Variants in CDH19 observed in about 807,000 individuals in gnomAD.
CDH19 encodes the protein cadherin-19.
Under a neutral mutation model 64.2 loss-of-function variants are expected in CDH19, and 67 were observed. That is an observed-to-expected ratio of 1.04 (90% CI 0.86 to 1.28). CDH19 has a LOEUF of 1.28. Ranked by LOEUF, CDH19 falls within the 50% of genes most tolerant of loss-of-function variation. The pLI is 0.00. For missense variants in CDH19, 1,030 were observed against 929.0 expected, an observed-to-expected ratio of 1.11 and a Z score of -1.41; for synonymous variants, 346 against 319.3, an observed-to-expected ratio of 1.08 and a Z score of -0.89.
At chr18:66,579,702 T>C (rs941303835) in intron 1 of CDH19, among the ~76,000 whole-genome samples, 17 of 152,184 alleles carry the variant, frequency 1.1e-4, no homozygotes, top group African/African-American at 3.1e-4. Flanking sequence ...GTTTGGGTCA[T>C]GACTTTACAA....
chr18:66,527,514 C>T (rs1433159461), intron 9 of CDH19, among the ~76,000 whole-genome samples: 3 of 151,874 alleles, frequency 2.0e-5, no homozygotes, highest in Non-Finnish European at 4.4e-5. Flanking sequence ...TTTGAGAGTC[C>T]GAGGCAGGCA....
intron 1 of CDH19, among the ~76,000 whole-genome samples, chr18:66,581,251 G>A (rs1415512836): frequency 6.6e-6 from 1 of 151,932 alleles, no homozygotes. Context: ...ACTTATATTA[G>A]CACAATATTA....
intron 9 of CDH19, among the ~76,000 whole-genome samples, chr18:66,525,769 T>C (rs977251908): frequency 2.6e-5 from 4 of 152,144 alleles, no homozygotes; most frequent in Non-Finnish European, 5.9e-5. Context: ...TGGCTTCTCC[T>C]TGGATTTAAA....
intron 9 of CDH19, among the ~76,000 whole-genome samples, chr18:66,515,077 C>T (rs1263211147): frequency 6.6e-6 from 1 of 151,576 alleles, no homozygotes; most frequent in Non-Finnish European, 1.5e-5. Flanking sequence ...TTATATAACT[C>T]ATCAATTCCT....
chr18:66,528,199 A>C (rs534649181), intron 9 of CDH19, among the ~76,000 whole-genome samples: 1 of 152,244 alleles, frequency 6.6e-6, no homozygotes, highest in Admixed American at 6.5e-5. Flanking sequence ...GTGTCTAAGT[A>C]ATCAGATGTG....
chr18:66,560,964 C>CT (rs540869914), intron 3 of CDH19, among the ~76,000 whole-genome samples: 1 of 151,910 alleles, frequency 6.6e-6, no homozygotes, highest in Non-Finnish European at 1.5e-5. Context: ...TTAATAAAAT[C>CT]TTTTTTAGAG....
At chr18:66,518,590 A>ATT (rs1337044366) in intron 9 of CDH19, among the ~76,000 whole-genome samples, 1 of 152,092 alleles carries the variant, frequency 6.6e-6, no homozygotes, top group Non-Finnish European at 1.5e-5. Flanking sequence ...CGTGTATATA[A>ATT]TTTTTATGTG....
chr18:66,503,002 C>T lies in CDH19; in HGVS notation c.*1810G>A, dbSNP rs1232060340. The T allele has an allele frequency of 6.6e-6, 1 of 151,778 alleles. No individual in the cohort carries two copies. The highest frequency in any genetic ancestry group is 1.5e-5 in the Non-Finnish European group (1 of 67,842). 9.4% of individuals were successfully genotyped at this position (151,778 alleles called of 1,614,324 possible). A position where few individuals can be genotyped will look rare whatever the true frequency, so the allele number is the denominator to read the frequency against. On this transcript the variant is annotated 3_prime_UTR_variant, in exon 12 of 12. Coordinates refer to ENST00000262150, the MANE Select transcript of CDH19 (RefSeq NM_021153.4). The stretch of plus-strand genomic sequence containing the variant: ...AATAAAATATATTATAACCATTTAA[C>T]TACTTCATCAATATTTCAAAATTAC...
intron 11 of CDH19, among the ~76,000 whole-genome samples, chr18:66,506,834 T>C (rs560430486): frequency 6.6e-6 from 1 of 152,066 alleles, no homozygotes; most frequent in East Asian, 1.9e-4. Context: ...GGTTATATAG[T>C]ATTTATATAA....
intron 1 of CDH19, among the ~76,000 whole-genome samples, chr18:66,592,527 C>T (rs950115458): frequency 6.6e-6 from 1 of 151,540 alleles, no homozygotes; most frequent in African/African-American, 2.4e-5. Context: ...CAATCTTTCC[C>T]CATTTCCTCT....
Position 66,572,102 on chromosome 18 carries a change from C to CA in CDH19, c.102_103insT (p.Val35CysfsTer26), listed in dbSNP as rs770221963. On this transcript the variant is annotated frameshift_variant, in exon 2 of 12. Coordinates refer to ENST00000262150, the MANE Select transcript of CDH19 (RefSeq NM_021153.4). LOFTEE classifies it high-confidence loss of function. ...CGCTTCACTCTCAAATGAGATCGCA[C>CA]TGGCTGCTTGACTTTCTTTGTTTGA... The CA allele has an allele frequency of 6.2e-7, 1 of 1,611,714 alleles. No homozygotes were observed. The highest frequency in any genetic ancestry group is 8.5e-7 in the Non-Finnish European group (1 of 1,178,482).
chr18:66,513,941 A>G (rs550353785), intron 9 of CDH19, among the ~76,000 whole-genome samples: 115 of 151,548 alleles, frequency 7.6e-4, no homozygotes, highest in African/African-American at 2.7e-3. Flanking sequence ...AGTGCATTGA[A>G]AGCTACAATG....
intron 9 of CDH19, among the ~76,000 whole-genome samples, chr18:66,512,948 C>T (rs556004463): frequency 5.9e-5 from 9 of 151,558 alleles, no homozygotes; most frequent in African/African-American, 1.2e-4. Context: ...GTTTGTCACA[C>T]GACAAACTAT....
chr18:66,603,801 T>A lies in CDH19; in HGVS notation c.-113+153A>T, dbSNP rs531078152. 1.8e-3 allele frequency among the ~76,000 whole-genome samples: 279 copies of A among 152,208 alleles called. 2 individuals carry two copies. The highest frequency in any genetic ancestry group is 6.2e-3 in the African/African-American group (258 of 41,558). The stretch of plus-strand genomic sequence containing the variant: ...CAAGTACACATCATGGTTTTAAAAT[T>A]TTTAGAATATTTTCCTTATTTCCTA... On this transcript the variant is annotated intron_variant, in intron 1 of 11. Transcript: ENST00000262150.
chr18:66,562,748 A>G (rs980058659), intron 3 of CDH19, among the ~76,000 whole-genome samples: 2 of 152,140 alleles, frequency 1.3e-5, no homozygotes, highest in East Asian at 1.9e-4. Flanking sequence ...AGAAGATAAT[A>G]TATTTGTTGT....
At chr18:66,547,665 T>TAAATGTGTAATA (rs1568191355) in intron 5 of CDH19, among the ~76,000 whole-genome samples, 1 of 133,578 alleles carries the variant, frequency 7.5e-6, no homozygotes, top group African/African-American at 2.9e-5. Context: ...TGTTAGGTTT[T>TAAATGTGTAATA]TTTTTTTTTT....
chr18:66,525,276 T>C (rs992699418), intron 9 of CDH19, among the ~76,000 whole-genome samples: 8 of 152,260 alleles, frequency 5.3e-5, no homozygotes, highest in African/African-American at 7.2e-5. Context: ...TATACAGAGA[T>C]ATTGCATTAA....
At chr18:66,549,071 T>C (rs895956331) in intron 5 of CDH19, among the ~76,000 whole-genome samples, 1 of 152,064 alleles carries the variant, frequency 6.6e-6, no homozygotes, top group African/African-American at 2.4e-5. Context: ...GAAAACCATG[T>C]GGACAAGAGT....
At chr18:66,528,487 C>T (rs571582512) in intron 9 of CDH19, among the ~76,000 whole-genome samples, 3 of 152,204 alleles carry the variant, frequency 2.0e-5, no homozygotes, top group African/African-American at 7.2e-5. Flanking sequence ...GGTTCTAACC[C>T]ATTAGAAATG....
Sources: allele counts gnomAD v4.1 joint callset (sites outside exome capture counted in the v4.1 genomes callset), GRCh38; gene constraint gnomAD v4.1.1; transcripts MANE v1.5; gene names NCBI Gene and HGNC (gene_info 2026-07-23, HGNC 2026-07-21).